The following PBX3 variants were observed in gnomAD, a reference collection of about 807,000 sequenced individuals.
The protein encoded by PBX3 is PBX homeobox 3, also known as pre-B-cell leukemia transcription factor 3.
A neutral mutation model predicts 48.5 loss-of-function variants in PBX3; 14 were observed. That is an observed-to-expected ratio of 0.29 (90% confidence interval 0.19 to 0.45). PBX3 has a LOEUF of 0.45. PBX3 is among the 20% of genes least tolerant of loss of function. The pLI, the probability that PBX3 is intolerant of heterozygous loss-of-function variation, is 1.00. For synonymous variants in PBX3, 210 were observed against 200.3 expected (o/e 1.05, Z -0.41); for missense variants, 386 against 546.7 (o/e 0.71, Z 2.93).
chr9:125,906,514 A>G (rs1050725213), intron 2 of PBX3, among the ~76,000 whole-genome samples: 90 of 152,158 alleles, frequency 5.9e-4, no homozygotes, highest in African/African-American at 2.1e-3. Flanking sequence ...TGGCTACAGG[A>G]AAGGAAATGA....
intron 2 of PBX3, among the ~76,000 whole-genome samples, chr9:125,884,202 A>G (rs1057063334): frequency 6.6e-6 from 1 of 152,182 alleles, no homozygotes; most frequent in African/African-American, 2.4e-5. Context: ...CAGCTTTGGC[A>G]TTTCTATTGG....
chr9:125,891,814 A>G (rs961977706), intron 2 of PBX3, among the ~76,000 whole-genome samples: 5 of 152,180 alleles, frequency 3.3e-5, no homozygotes, highest in African/African-American at 7.2e-5. Context: ...TTTCTATTCT[A>G]TTTAAGAGTT....
At position 125,759,897 on chromosome 9, in the gene PBX3, C is replaced by T. The variant is rs779036047; in HGVS notation, c.274+11274C>T. ...ATCTTCAGGCAGTGGCAGCCAGGAG[C>T]TGCTTGAAATGCAAAGAGCAACGAT... On this transcript the variant is annotated intron_variant, in intron 2 of 8. Coordinates refer to ENST00000373489, the MANE Select transcript of PBX3 (RefSeq NM_006195.6). This position sits in a 1 kb window ranked among gnomAD's most constrained non-coding sequence, Gnocchi z 4.2. Among the ~76,000 whole-genome samples the T allele has an allele frequency of 2.6e-5, 4 of 152,184 alleles. No individual in the cohort carries two copies. Among genetic ancestry groups the T allele is most frequent in the Admixed American group, 6.5e-5 (1 of 15,274 alleles).
chr9:125,953,729 G>A (rs1037504364), intron 5 of PBX3, among the ~76,000 whole-genome samples: 2 of 152,082 alleles, frequency 1.3e-5, no homozygotes, highest in Admixed American at 6.6e-5. Flanking sequence ...TGTGACACAT[G>A]GAAGTTGTTA....
At chr9:125,838,057 T>C (rs1172307235) in intron 2 of PBX3, among the ~76,000 whole-genome samples, 3 of 152,200 alleles carry the variant, frequency 2.0e-5, no homozygotes, top group East Asian at 3.8e-4. Context: ...TGTACCATCT[T>C]TTCTTTCTTT....
At chr9:125,960,628 A>G in intron 5 of PBX3, 56 bp from the exon 6 acceptor site, 5 of 1,541,172 alleles carry the variant, frequency 3.2e-6, no homozygotes, top group South Asian at 1.2e-5. Flanking sequence ...GTATTATTGG[A>G]ATTTGATTAC....
intron 2 of PBX3, among the ~76,000 whole-genome samples, chr9:125,863,446 G>C (rs1459175827): frequency 6.6e-6 from 1 of 152,072 alleles, no homozygotes; most frequent in Non-Finnish European, 1.5e-5. Context: ...TCTTGACCTT[G>C]TGATCTGCCC....
chr9:125,808,665 C>G (rs928508655), intron 2 of PBX3, among the ~76,000 whole-genome samples: 2 of 151,908 alleles, frequency 1.3e-5, no homozygotes, highest in Non-Finnish European at 2.9e-5. Flanking sequence ...GACCCAATCT[C>G]AAAATAAAAT....
At chr9:125,780,069 C>T (rs1157619257) in intron 2 of PBX3, among the ~76,000 whole-genome samples, 8 of 139,306 alleles carry the variant, frequency 5.7e-5, no homozygotes, top group Admixed American at 3.5e-4. Context: ...GGGGGCTGAC[C>T]CCCCCACCTC....
chr9:125,776,786 T>C (rs10986903), intron 2 of PBX3, among the ~76,000 whole-genome samples: 8,974 of 152,142 alleles, frequency 0.059, 605 homozygotes, highest in East Asian at 0.17. Context: ...TCAAGCAGTC[T>C]ACCTGTCTCA....
In PBX3 at chr9:125,798,634, ACT is replaced by A. The variant is rs879914908; in HGVS notation, c.274+50014_274+50015del. ...AAGAAGTGGGTGATAGAGGTAATTA[ACT>A]CTACAAAAAATAGAACCTTTAATGT... is the stretch of plus-strand genomic sequence containing the variant. On this transcript the variant is annotated intron_variant, in intron 2 of 8. Transcript: ENST00000373489. 2.0e-4 allele frequency among the ~76,000 whole-genome samples: 31 copies of A among 152,170 alleles called. 1 individual carries two copies. The South Asian group carries it at 2.1e-3, about 10-fold the overall frequency.
At chr9:125,935,257 T>C (rs1841809279) in intron 4 of PBX3, among the ~76,000 whole-genome samples, 1 of 152,238 alleles carries the variant, frequency 6.6e-6, no homozygotes, top group Admixed American at 6.5e-5. Flanking sequence ...TGCTTCATAG[T>C]CTGGTATTTT....
chr9:125,902,702 G>T (rs1012936915), intron 2 of PBX3, among the ~76,000 whole-genome samples: 4 of 151,622 alleles, frequency 2.6e-5, no homozygotes, highest in African/African-American at 9.7e-5. Context: ...GGTGCTGTGT[G>T]CTATGTGCAA....
intron 3 of PBX3, among the ~76,000 whole-genome samples, chr9:125,922,698 T>C (rs1053484104): frequency 1.2e-4 from 18 of 152,212 alleles, no homozygotes; most frequent in Admixed American, 8.5e-4. Context: ...TCCAAACAAC[T>C]GCAATCATTT....
intron 2 of PBX3, among the ~76,000 whole-genome samples, chr9:125,897,139 T>TG (rs1174833202): frequency 6.9e-5 from 8 of 116,670 alleles, no homozygotes; most frequent in African/African-American, 2.6e-4. Context: ...TATTCATTTG[T>TG]GGTTTTTTTT....
chr9:125,774,481 T>C (rs1837019648), intron 2 of PBX3, among the ~76,000 whole-genome samples: 1 of 152,230 alleles, frequency 6.6e-6, no homozygotes, highest in Admixed American at 6.5e-5. Flanking sequence ...GGATATTTTA[T>C]ATAAATGGGA....
chr9:125,945,292 G>A (rs2132558468), intron 5 of PBX3, among the ~76,000 whole-genome samples: 1 of 152,086 alleles, frequency 6.6e-6, no homozygotes, highest in African/African-American at 2.4e-5. Context: ...TAAAGCACGT[G>A]TAAAGCACCT....
At chr9:125,864,073 A>C (rs996889000) in intron 2 of PBX3, among the ~76,000 whole-genome samples, 17 of 152,242 alleles carry the variant, frequency 1.1e-4, no homozygotes, top group Non-Finnish European at 1.5e-5. Flanking sequence ...CCAGGGTCAG[A>C]GTGAACTTGA....
At chr9:125,756,788 T>C (rs1836529781) in intron 2 of PBX3, among the ~76,000 whole-genome samples, 1 of 152,188 alleles carries the variant, frequency 6.6e-6, no homozygotes, top group African/African-American at 2.4e-5. Flanking sequence ...AAAGTCCTGA[T>C]TACATTTCGC....
Sources: allele counts gnomAD v4.1 joint callset (sites outside exome capture counted in the v4.1 genomes callset), GRCh38; gene constraint gnomAD v4.1.1; non-coding constraint Gnocchi (gnomAD v3.1); transcripts MANE v1.5; gene names NCBI Gene and HGNC (gene_info 2026-07-23, HGNC 2026-07-21).